Variants in RBFOX1 observed in about 807,000 individuals in gnomAD.
RBFOX1 encodes RNA binding fox-1 homolog 1, also known as RNA binding protein fox-1 homolog 1.
A neutral mutation model predicts 57.7 loss-of-function variants in RBFOX1; 8 were observed. The ratio of observed to expected loss-of-function variants is 0.14; its 90% CI spans 0.08 to 0.25. The LOEUF is 0.25. RBFOX1 is among the 10% of genes least tolerant of loss of function. RBFOX1 has a pLI of 1.00. For missense variants in RBFOX1, 611 were observed against 548.5 expected (o/e 1.11, Z -1.14); for synonymous variants, 326 against 222.4 (o/e 1.47, Z -4.15).
intron 4 of RBFOX1, among the ~76,000 whole-genome samples, chr16:7,089,939 A>G (rs1379191248): frequency 6.6e-6 from 1 of 152,124 alleles, no homozygotes; most frequent in South Asian, 2.1e-4. Context: ...GAGACTTTAA[A>G]TTGGAACAGC....
intron 4 of RBFOX1, among the ~76,000 whole-genome samples, chr16:7,273,734 C>T (rs2095386236): frequency 6.6e-6 from 1 of 152,122 alleles, no homozygotes; most frequent in Admixed American, 6.5e-5. Flanking sequence ...ATCTAAATTC[C>T]CCATTCATCA....
intron 2 of RBFOX1, among the ~76,000 whole-genome samples, chr16:6,455,400 C>T (rs1384827909): frequency 6.6e-6 from 1 of 152,118 alleles, no homozygotes. Context: ...GGAAAGGCTG[C>T]AGAGAGAAGG....
At chr16:6,319,297 G>T (rs889895670) in intron 2 of RBFOX1, among the ~76,000 whole-genome samples, 5 of 152,100 alleles carry the variant, frequency 3.3e-5, no homozygotes, top group African/African-American at 1.2e-4. Flanking sequence ...CCAAAATTTG[G>T]TTATTCTTGT....
At chr16:6,627,071 G>T (rs1292385164) in intron 2 of RBFOX1, among the ~76,000 whole-genome samples, 1 of 152,174 alleles carries the variant, frequency 6.6e-6, no homozygotes, top group African/African-American at 2.4e-5. Context: ...TAGTCCTGGC[G>T]GTCTGGCTCT....
chr16:5,771,042 C>T (rs74688275), intron 3 of RBFOX1, among the ~76,000 whole-genome samples: 4,527 of 152,210 alleles, frequency 0.03, 235 homozygotes, highest in African/African-American at 0.1. Flanking sequence ...CTGGAGGAGA[C>T]GCAAAACCTG....
intron 1 of RBFOX1, among the ~76,000 whole-genome samples, chr16:5,351,823 G>A (rs1389019650): frequency 6.6e-6 from 1 of 152,096 alleles, no homozygotes; most frequent in Non-Finnish European, 1.5e-5. Flanking sequence ...TAATTTTTGA[G>A]ACAGAGTTTC....
intron 4 of RBFOX1, among the ~76,000 whole-genome samples, chr16:6,012,516 C>T (rs2094967499): frequency 1.3e-5 from 2 of 152,218 alleles, no homozygotes; most frequent in South Asian, 2.1e-4. Flanking sequence ...GAATATCCCA[C>T]AGTGCCCAGG....
chr16:5,519,101 C>T (rs145174551), intron 2 of RBFOX1, among the ~76,000 whole-genome samples: 1 of 152,124 alleles, frequency 6.6e-6, no homozygotes, highest in East Asian at 1.9e-4. Flanking sequence ...CAAAAGAAAA[C>T]CTTGCGGACA....
At chr16:5,914,930 G>A (rs1003201482) in intron 4 of RBFOX1, among the ~76,000 whole-genome samples, 1 of 152,004 alleles carries the variant, frequency 6.6e-6, no homozygotes, top group Non-Finnish European at 1.5e-5. Context: ...AAAAAAGAGA[G>A]TCTATGACAA....
At chr16:7,181,638 C>T (rs142610729) in intron 4 of RBFOX1, among the ~76,000 whole-genome samples, 19,706 of 151,982 alleles carry the variant, frequency 0.13, 1,313 homozygotes, top group Middle Eastern at 0.21. Flanking sequence ...TCTTGGCTCA[C>T]TGCAACCTCT....
chr16:7,395,220 A>G (rs570385462), intron 4 of RBFOX1, among the ~76,000 whole-genome samples: 3 of 149,836 alleles, frequency 2.0e-5, no homozygotes, highest in South Asian at 4.2e-4. Context: ...ATGTAGATGC[A>G]TTGTTCAAAT....
chr16:5,450,503 G>C (rs893730850), intron 1 of RBFOX1, among the ~76,000 whole-genome samples: 1 of 152,154 alleles, frequency 6.6e-6, no homozygotes, highest in Admixed American at 6.5e-5. Context: ...CGTGTGGGGC[G>C]GGCCTCTCTG....
At chr16:6,763,943 T>C (rs543854093) in intron 3 of RBFOX1, among the ~76,000 whole-genome samples, 2 of 152,350 alleles carry the variant, frequency 1.3e-5, no homozygotes, top group South Asian at 2.1e-4. Context: ...CCAATATTAA[T>C]GAGTCCTGGA....
intron 1 of RBFOX1, among the ~76,000 whole-genome samples, chr16:5,359,956 C>G (rs1473327809): frequency 6.6e-6 from 1 of 152,144 alleles, no homozygotes; most frequent in African/African-American, 2.4e-5. Context: ...CTGTCCTCAC[C>G]TCAGAATGTT....
chr16:6,855,183 C>G (rs2057603426), intron 3 of RBFOX1, among the ~76,000 whole-genome samples: 1 of 152,148 alleles, frequency 6.6e-6, no homozygotes, highest in Non-Finnish European at 1.5e-5. Flanking sequence ...AGCATGATAT[C>G]CCCAGTACCC....
At chr16:5,893,460 T>C (rs1014954251) in intron 4 of RBFOX1, among the ~76,000 whole-genome samples, 54 of 152,306 alleles carry the variant, frequency 3.5e-4, no homozygotes, top group African/African-American at 1.3e-3. Context: ...CTTGAGGTAA[T>C]GGAGACCCCA....
chr16:6,445,460 C>T (rs996508854), intron 2 of RBFOX1, among the ~76,000 whole-genome samples: 5 of 151,426 alleles, frequency 3.3e-5, no homozygotes, highest in East Asian at 3.9e-4. Context: ...TGTGGTTTAA[C>T]TCATGATTAT....
intron 3 of RBFOX1, among the ~76,000 whole-genome samples, chr16:5,770,641 C>G (rs1369735653): frequency 6.6e-6 from 1 of 152,206 alleles, no homozygotes; most frequent in Non-Finnish European, 1.5e-5. Context: ...TCATTTTACT[C>G]TGTTGGCTCA....
intron 2 of RBFOX1, among the ~76,000 whole-genome samples, chr16:6,382,614 C>T (rs905149370): frequency 2.0e-5 from 3 of 152,294 alleles, no homozygotes; most frequent in Admixed American, 6.5e-5. Context: ...AATCCCAGAA[C>T]TTTGGGAGGC....
Sources: gnomAD v4.1 joint callset for allele counts (sites outside exome capture counted in the v4.1 genomes callset) on GRCh38, gnomAD v4.1.1 for gene constraint, MANE v1.5 for transcripts, NCBI Gene and HGNC (gene_info 2026-07-23, HGNC 2026-07-21) for gene names.